Variants in SNX25 observed in about 807,000 individuals in gnomAD.
SNX25 encodes the protein sorting nexin 25.
A neutral mutation model predicts 113.7 loss-of-function variants in SNX25; 62 were observed. That is an observed-to-expected ratio of 0.55 (90% CI 0.44 to 0.67). SNX25 has a LOEUF of 0.67. SNX25 is among the 30% of genes least tolerant of loss of function. The probability of loss-of-function intolerance (pLI) is 0.00; values close to 1 mark genes in which losing one functional copy is unlikely to be tolerated. For missense variants in SNX25, 1,014 were observed against 1,161.0 expected, an observed-to-expected ratio of 0.87 and a Z score of 1.84; for synonymous variants, 421 against 436.2, an observed-to-expected ratio of 0.97 and a Z score of 0.43.
chr4:185,231,204 T>C (rs1256773828), intron 1 of SNX25, among the ~76,000 whole-genome samples: 1 of 151,446 alleles, frequency 6.6e-6, no homozygotes, highest in Non-Finnish European at 1.5e-5. Flanking sequence ...GTTCACGCCA[T>C]TCTCCTGCCT....
chr4:185,204,275 T>G (rs1579281356), exon 1 of SNX25: 1 of 152,196 alleles, frequency 6.6e-6, no homozygotes. Context: ...GTAGGCCCCG[T>G]TGTTCTCGTG....
At chr4:185,216,963 A>T (rs920186445) in intron 1 of SNX25, among the ~76,000 whole-genome samples, 1 of 152,218 alleles carries the variant, frequency 6.6e-6, no homozygotes, top group Non-Finnish European at 1.5e-5. Context: ...GAGATGACTC[A>T]TAGGAGCTAG....
intron 3 of SNX25, among the ~76,000 whole-genome samples, chr4:185,262,117 C>T (rs1415885653): frequency 6.6e-6 from 1 of 152,094 alleles, no homozygotes; most frequent in Admixed American, 6.5e-5. Flanking sequence ...TGGGTAGCAC[C>T]CAGTTGAATT....
intron 1 of SNX25, among the ~76,000 whole-genome samples, chr4:185,243,289 T>A (rs1744341666): frequency 6.6e-6 from 1 of 152,220 alleles, no homozygotes; most frequent in African/African-American, 2.4e-5. Flanking sequence ...TGCCACCATC[T>A]ATCTCCATAA....
chr4:185,309,286 C>G (rs1579726779), intron 6 of SNX25, among the ~76,000 whole-genome samples: 1 of 152,188 alleles, frequency 6.6e-6, no homozygotes, highest in African/African-American at 2.4e-5. Context: ...GCTCCAAGCC[C>G]TTGGTCTTTT....
chr4:185,340,557 G>A (rs951599472), intron 11 of SNX25, among the ~76,000 whole-genome samples: 2 of 152,176 alleles, frequency 1.3e-5, no homozygotes. Flanking sequence ...ACTGCAGATA[G>A]TTACTGTTTG....
At chr4:185,284,858 A>C (rs1026215134) in intron 5 of SNX25, among the ~76,000 whole-genome samples, 3 of 152,150 alleles carry the variant, frequency 2.0e-5, no homozygotes, top group African/African-American at 7.2e-5. Flanking sequence ...TGTAAGCAAG[A>C]AGCTTATTTA....
chr4:185,220,683 T>C (rs924371063), intron 1 of SNX25, among the ~76,000 whole-genome samples: 2 of 152,032 alleles, frequency 1.3e-5, no homozygotes, highest in Admixed American at 6.6e-5. Context: ...GGTTTCACCA[T>C]GTTAGCCAGG....
chr4:185,270,077 C>T (rs1181454991), intron 5 of SNX25, among the ~76,000 whole-genome samples: 2 of 114,710 alleles, frequency 1.7e-5, no homozygotes, highest in African/African-American at 6.4e-5. Flanking sequence ...AAAGAAGTAG[C>T]TCAAAAAAAA....
chr4:185,256,603 C>G (rs993097081), intron 2 of SNX25, among the ~76,000 whole-genome samples: 12 of 151,362 alleles, frequency 7.9e-5, no homozygotes, highest in Admixed American at 1.3e-4. Context: ...ATCCCTCCCC[C>G]CAGAGAGCTC....
intron 6 of SNX25, among the ~76,000 whole-genome samples, chr4:185,299,233 A>G (rs531812451): frequency 1.3e-5 from 2 of 152,214 alleles, no homozygotes; most frequent in South Asian, 4.1e-4. Flanking sequence ...GCGCATAGAA[A>G]AAGAGAATCG....
rs201699889 is a variant in SNX25 at position 185,351,560 on chromosome 4, T to C, written c.2417T>C (p.Leu806Ser). The C allele has an allele frequency of 3.5e-5, 56 of 1,614,080 alleles. No homozygotes were observed. Among genetic ancestry groups the C allele is most frequent in the Non-Finnish European group, 1.4e-5 (16 of 1,180,064 alleles). ...DVQGKKNSFS[L>S]SSFLERLPRD... ...CAGGGGAAAAAAAATTCTTTTTCAT[T>C]ATCCTCATTTTTGGAAAGACTTCCT... Residue 806 changes from leucine to serine, a missense_variant, in exon 14 of 19, where the codon TTA (leucine) becomes TCA (serine). Transcript: ENST00000652585.
chr4:185,371,414 T>A (rs7690287), downstream of SNX25, among the ~76,000 whole-genome samples: 4 of 151,660 alleles, frequency 2.6e-5, no homozygotes, highest in East Asian at 3.9e-4. Flanking sequence ...TGGTAGCGGG[T>A]GCCTGTAGTC....
chr4:185,218,575 G>A (rs1739271372), intron 1 of SNX25, among the ~76,000 whole-genome samples: 1 of 152,246 alleles, frequency 6.6e-6, no homozygotes, highest in Non-Finnish European at 1.5e-5. Context: ...GTCCTGGTAT[G>A]TTTGTCAGCC....
downstream of SNX25, chr4:185,372,805 C>G (rs2095420287): frequency 2.1e-6 from 3 of 1,421,764 alleles, no homozygotes; most frequent in Admixed American, 1.9e-5. Flanking sequence ...CATAAATTAC[C>G]TAGTGTGTGA....
intron 17 of SNX25, 104 bp from the exon 18 acceptor site, chr4:185,362,507 G>A (rs2095369660): frequency 8.2e-7 from 1 of 1,217,836 alleles, no homozygotes; most frequent in Non-Finnish European, 1.1e-6. Context: ...ATGCCTCCAT[G>A]TGTTTATTGA....
chr4:185,342,181 A>G (rs912558267), intron 12 of SNX25, 65 bp downstream of exon 12: 4 of 1,425,284 alleles, frequency 2.8e-6, no homozygotes, highest in Non-Finnish European at 3.7e-6. Context: ...AATTTTACAC[A>G]TAAGAAAGCT....
chr4:185,312,759 T>G (rs1236436108), intron 7 of SNX25, among the ~76,000 whole-genome samples: 1 of 152,198 alleles, frequency 6.6e-6, no homozygotes, highest in Admixed American at 6.5e-5. Flanking sequence ...TATCCTGACC[T>G]CATGATCTGC....
chr4:185,316,483 AC>A (rs1330025997), intron 7 of SNX25, among the ~76,000 whole-genome samples: 1 of 152,158 alleles, frequency 6.6e-6, no homozygotes, highest in Non-Finnish European at 1.5e-5. Flanking sequence ...TGTTTTGAAA[AC>A]AAAAAGTCTG....
Sources: allele counts gnomAD v4.1 joint callset (sites outside exome capture counted in the v4.1 genomes callset), GRCh38; gene constraint gnomAD v4.1.1; transcripts MANE v1.5; gene names NCBI Gene and HGNC (gene_info 2026-07-23, HGNC 2026-07-21).